The following RHCG variants were observed in gnomAD, a reference collection of about 807,000 sequenced individuals.
The protein encoded by RHCG is ammonium transporter Rh type C.
RHCG carries 39 observed loss-of-function variants against 55.3 expected under a neutral mutation model. The observed-to-expected ratio is 0.70, with a 90% CI of 0.55 to 0.92. The LOEUF is 0.92. RHCG is among the 40% of genes least tolerant of loss of function. The pLI is 0.00. For synonymous variants in RHCG, 250 were observed against 246.8 expected (o/e 1.01, Z -0.12); for missense variants, 635 against 627.9 (o/e 1.01, Z -0.12).
chr15:89,485,168 C>A (rs1057062397), intron 2 of RHCG, among the ~76,000 whole-genome samples: 3 of 151,824 alleles, frequency 2.0e-5, no homozygotes, highest in African/African-American at 7.3e-5. Context: ...TGTTAACTCA[C>A]GGTTTGTAAT....
intron 1 of RHCG, among the ~76,000 whole-genome samples, chr15:89,489,155 G>A (rs187061680): frequency 3.7e-4 from 57 of 152,190 alleles, no homozygotes; most frequent in African/African-American, 1.1e-3. Flanking sequence ...TCATTTTGTC[G>A]CCCTGGCTGG....
intron 2 of RHCG, 200 bp downstream of exon 2, chr15:89,486,599 A>AGAGAGAGAGTGTGAGTGT: frequency 1.9e-5 from 5 of 264,484 alleles, no homozygotes; most frequent in Non-Finnish European, 2.9e-5. Context: ...AGAGAGAGAG[A>AGAGAGAGAGTGTGAGTGT]GTGTGTGTGT....
intron 9 of RHCG, among the ~76,000 whole-genome samples, chr15:89,474,760 T>TCCTGCCTTCCTTCCTTCCTG (rs1567223877): frequency 2.2e-5 from 3 of 133,354 alleles, no homozygotes; most frequent in Non-Finnish European, 4.6e-5. Context: ...CTGCCTTCCT[T>TCCTGCCTTCCTTCCTTCCTG]CCTGCCTTCC....
At chr15:89,492,041 C>G (rs929526402) in intron 1 of RHCG, among the ~76,000 whole-genome samples, 1 of 150,020 alleles carries the variant, frequency 6.7e-6, no homozygotes, top group Admixed American at 6.7e-5. Context: ...TCTTTCAAGA[C>G]TGACAAGGTT....
chr15:89,480,952 C>T (rs1961255921), intron 3 of RHCG, among the ~76,000 whole-genome samples: 1 of 152,218 alleles, frequency 6.6e-6, no homozygotes, highest in African/African-American at 2.4e-5. Flanking sequence ...GAACCAATTT[C>T]AGATGAATAG....
At chr15:89,483,810 A>C (rs1961311351) in intron 2 of RHCG, among the ~76,000 whole-genome samples, 1 of 152,102 alleles carries the variant, frequency 6.6e-6, no homozygotes, top group Non-Finnish European at 1.5e-5. Context: ...ACTGGATGGA[A>C]GGAGGGAGCA....
chr15:89,486,991 G>A lies in RHCG; in HGVS notation c.185-6C>T, dbSNP rs1296157583. The A allele has an allele frequency of 6.3e-7, 1 of 1,583,762 alleles. No individual in the cohort carries two copies. Among genetic ancestry groups the A allele is most frequent in the Admixed American group, 1.7e-5 (1 of 58,092 alleles). Reference sequence around the variant, plus strand: ...CACGTGCACGTCCTGGAAGCCTGCGGGGACAGTGCAGCCCGGGACTCGGTG... The same window carrying A: ...CACGTGCACGTCCTGGAAGCCTGCGAGGACAGTGCAGCCCGGGACTCGGTG... On this transcript the variant is annotated splice_region_variant and splice_polypyrimidine_tract_variant and intron_variant, in intron 1 of 10. Transcript: ENST00000268122.
chr15:89,496,047 TG>T lies in RHCG; in HGVS notation c.184+313del, dbSNP rs143620148. Among the ~76,000 whole-genome samples the T allele has an allele frequency of 1.7e-3, 258 of 152,296 alleles. 1 individual carries two copies. Among genetic ancestry groups the T allele is most frequent in the Non-Finnish European group, 3.0e-3 (206 of 68,030 alleles). ...AGCCAGGTCATCCACTGGTTGGTAA[TG>T]GGGCGAGAGGACTCGGATCTTCTTA... On this transcript the variant is annotated intron_variant, in intron 1 of 10. Coordinates refer to ENST00000268122, the MANE Select transcript of RHCG (RefSeq NM_016321.3).
chr15:89,479,562 T>A, intron 4 of RHCG, 74 bp from the exon 5 acceptor site: 1 of 1,378,818 alleles, frequency 7.3e-7, no homozygotes, highest in Non-Finnish European at 9.9e-7. Flanking sequence ...CAGGCAGGCA[T>A]CCTGTCCTTT....
intron 1 of RHCG, among the ~76,000 whole-genome samples, chr15:89,493,622 C>T (rs1419821651): frequency 6.6e-6 from 1 of 152,200 alleles, no homozygotes; most frequent in Non-Finnish European, 1.5e-5. Context: ...GGAATCACCT[C>T]GCTGCCCAGG....
intron 1 of RHCG, among the ~76,000 whole-genome samples, chr15:89,493,190 G>A (rs763421104): frequency 4.6e-5 from 7 of 152,168 alleles, no homozygotes; most frequent in Non-Finnish European, 8.8e-5. Flanking sequence ...GTCATCTCCC[G>A]AAATGTGTCC....
intron 1 of RHCG, 86 bp from the exon 2 acceptor site, chr15:89,487,071 C>T (rs925809446): frequency 2.4e-6 from 3 of 1,270,026 alleles, no homozygotes; most frequent in Non-Finnish European, 3.2e-6. Flanking sequence ...CCGGGGTAGC[C>T]CCTCAGTCTT....
At chr15:89,486,595 AGAGAGTGTGTGTGTGTGTGT>A (rs1212349764) in intron 2 of RHCG, 184 bp downstream of exon 2, 8 of 333,464 alleles carry the variant, frequency 2.4e-5, no homozygotes, top group Non-Finnish European at 3.9e-5. Flanking sequence ...AGAGAGAGAG[AGAGAGTGTGTGTGTGTGTGT>A]GTGTGTGTGT....
intron 1 of RHCG, among the ~76,000 whole-genome samples, chr15:89,487,609 C>T (rs1012892120): frequency 3.9e-5 from 6 of 152,186 alleles, no homozygotes; most frequent in African/African-American, 9.7e-5. Flanking sequence ...AGATACACAT[C>T]CCCGCATCCC....
chr15:89,486,394 C>A (rs536190792), intron 2 of RHCG: 7 of 456,318 alleles, frequency 1.5e-5, no homozygotes, highest in Admixed American at 2.3e-5. Context: ...CAGGGCTGGG[C>A]GATTTTGATG....
rs750061705 is a variant in RHCG at position 89,477,667 on chromosome 15, G to T, written c.976-14C>A. 1 of 1,613,784 alleles carries T rather than the reference G, an allele frequency of 6.2e-7. No individual in the cohort carries two copies. Among genetic ancestry groups the T allele is most frequent in the Admixed American group, 1.7e-5 (1 of 59,996 alleles). ...CTCCAGGAATGGCTGGAGACGGGAG[G>T]TGGGTGCTGCTCAGGCCGGGGGCTG... On this transcript the variant is annotated splice_polypyrimidine_tract_variant and intron_variant, in intron 6 of 10. Transcript: ENST00000268122. The surrounding 1 kb of genome is among the most constrained non-coding windows in gnomAD (Gnocchi z 4.5).
intron 1 of RHCG, among the ~76,000 whole-genome samples, chr15:89,493,319 C>A (rs1209212093): frequency 6.6e-6 from 1 of 152,224 alleles, no homozygotes; most frequent in East Asian, 1.9e-4. Context: ...GAGCACCAGC[C>A]CACAGGGAAG....
At chr15:89,475,726 A>T (rs1437513536) in intron 9 of RHCG, among the ~76,000 whole-genome samples, 1 of 152,014 alleles carries the variant, frequency 6.6e-6, no homozygotes, top group Non-Finnish European at 1.5e-5. Flanking sequence ...ATCCCCGAGG[A>T]AGCTTTAAAA....
At position 89,480,330 on chromosome 15, in the gene RHCG, G is replaced by T; in HGVS notation, c.601C>A (p.Arg201=). ...TCCTTGCTCTGCTCTAGGTTGCGTCGGTAGAGGATCCGGGTCACTGTGAGC... is the reference window on the plus strand; with the variant it reads ...TCCTTGCTCTGCTCTAGGTTGCGTCTGTAGAGGATCCGGGTCACTGTGAGC... The part of the protein sequence containing the change: ...FGLTVTRILY[R]RNLEQSKERQ... Residue 201 remains arginine (R), a synonymous_variant, in exon 4 of 11, where the codon CGA becomes AGA. Coordinates refer to ENST00000268122, the MANE Select transcript of RHCG (RefSeq NM_016321.3). The T allele has an allele frequency of 6.2e-7, 1 of 1,614,200 alleles. No individual in the cohort carries two copies. Among genetic ancestry groups the T allele is most frequent in the Non-Finnish European group, 8.5e-7 (1 of 1,180,044 alleles).
Sources: allele counts gnomAD v4.1 joint callset (sites outside exome capture counted in the v4.1 genomes callset), GRCh38; gene constraint gnomAD v4.1.1; non-coding constraint Gnocchi (gnomAD v3.1); transcripts MANE v1.5; gene names NCBI Gene and HGNC (gene_info 2026-07-23, HGNC 2026-07-21).